TRAPPC9: variants seen among roughly 807,000 people sequenced by gnomAD.
TRAPPC9 encodes trafficking protein particle complex subunit 9.
TRAPPC9 carries 83 observed loss-of-function variants against 124.0 expected under a neutral mutation model. The observed-to-expected ratio is 0.67, with a 90% CI of 0.56 to 0.80. The LOEUF is 0.80. Among genes scored for constraint, TRAPPC9 ranks in the 30% least tolerant of loss-of-function variants. The probability of loss-of-function intolerance (pLI) is 0.00; values close to 1 mark genes in which losing one functional copy is unlikely to be tolerated. For synonymous variants in TRAPPC9, 638 were observed against 617.5 expected (o/e 1.03, Z -0.49); for missense variants, 1,302 against 1,508.3 (o/e 0.86, Z 2.27).
intron 21 of TRAPPC9, among the ~76,000 whole-genome samples, chr8:139,756,294 G>T (rs1448272236): frequency 1.4e-5 from 2 of 141,942 alleles, no homozygotes; most frequent in East Asian, 2.2e-4. Context: ...GAGGACAGCA[G>T]GTGGCAGGAG....
At chr8:140,453,643 C>T (rs1564035194) in intron 1 of TRAPPC9, among the ~76,000 whole-genome samples, 1 of 152,272 alleles carries the variant, frequency 6.6e-6, no homozygotes, top group East Asian at 1.9e-4. Context: ...AGGATCTAAA[C>T]GGTTCACAAG....
At chr8:139,855,762 C>A (rs1185017548) in intron 21 of TRAPPC9, among the ~76,000 whole-genome samples, 5 of 152,210 alleles carry the variant, frequency 3.3e-5, no homozygotes. Context: ...CCCGCTCGAC[C>A]CCAGCACCTC....
intron 16 of TRAPPC9, among the ~76,000 whole-genome samples, chr8:140,226,591 C>CA (rs35750675): frequency 0.21 from 21,820 of 102,972 alleles, 2,279 homozygotes; most frequent in East Asian, 0.63. Context: ...GACTCGGTCT[C>CA]AAAAAAAAAA....
At chr8:139,839,155 C>T (rs996138977) in intron 21 of TRAPPC9, among the ~76,000 whole-genome samples, 3 of 152,236 alleles carry the variant, frequency 2.0e-5, no homozygotes, top group Admixed American at 1.3e-4. Flanking sequence ...CTGTGCTTGT[C>T]CGGGACGTGG....
chr8:140,311,177 A>G, intron 10 of TRAPPC9, 71 bp downstream of exon 10: 2 of 1,582,686 alleles, frequency 1.3e-6, no homozygotes, highest in Non-Finnish European at 1.7e-6. Context: ...AAAGATCTCT[A>G]TTCACAATCA....
chr8:139,847,727 C>G (rs1415090397), intron 21 of TRAPPC9, among the ~76,000 whole-genome samples: 1 of 151,816 alleles, frequency 6.6e-6, no homozygotes, highest in African/African-American at 2.4e-5. Context: ...CACCTGCCCC[C>G]CTGGTGGCCC....
chr8:140,275,337 G>T (rs114421352), intron 15 of TRAPPC9, among the ~76,000 whole-genome samples: 1,845 of 152,302 alleles, frequency 0.012, 27 homozygotes, highest in African/African-American at 0.042. Context: ...ATTCATTGAA[G>T]AAATAGTTCT....
At chr8:139,739,413 A>G (rs1440308570) in intron 21 of TRAPPC9, among the ~76,000 whole-genome samples, 2 of 152,160 alleles carry the variant, frequency 1.3e-5, no homozygotes, top group Non-Finnish European at 1.5e-5. Flanking sequence ...GCTTCTGTTT[A>G]TGCTCAGAAT....
At chr8:140,058,042 A>G (rs4629846) in intron 17 of TRAPPC9, among the ~76,000 whole-genome samples, 109,411 of 152,128 alleles carry the variant, frequency 0.72, 40,234 homozygotes, top group African/African-American at 0.89. Context: ...CATTGCATAC[A>G]GAAGTGCTCG....
At chr8:140,335,603 G>A (rs772190067) in intron 9 of TRAPPC9, among the ~76,000 whole-genome samples, 1 of 151,994 alleles carries the variant, frequency 6.6e-6, no homozygotes, top group Non-Finnish European at 1.5e-5. Flanking sequence ...AAGTTCAGAG[G>A]TCAGGAGTGG....
chr8:140,020,609 G>A (rs766111086), intron 18 of TRAPPC9, among the ~76,000 whole-genome samples: 3 of 151,948 alleles, frequency 2.0e-5, no homozygotes, highest in Non-Finnish European at 4.4e-5. Flanking sequence ...CTGGACAATG[G>A]AGTGAGATTC....
intron 22 of TRAPPC9, among the ~76,000 whole-genome samples, chr8:139,731,628 G>A (rs906916886): frequency 2.6e-5 from 4 of 152,142 alleles, no homozygotes; most frequent in Non-Finnish European, 4.4e-5. Context: ...GAGCCTTTCC[G>A]TGGAAGGAGC....
chr8:140,020,915 C>T (rs1839798789), intron 18 of TRAPPC9, among the ~76,000 whole-genome samples: 1 of 152,166 alleles, frequency 6.6e-6, no homozygotes, highest in Admixed American at 6.5e-5. Flanking sequence ...GAAAGTCTAA[C>T]CGTTTGATAT....
intron 17 of TRAPPC9, among the ~76,000 whole-genome samples, chr8:140,044,466 C>T (rs1345910503): frequency 6.6e-6 from 1 of 152,142 alleles, no homozygotes; most frequent in African/African-American, 2.4e-5. Context: ...TGGTTCCATA[C>T]GTGCCCAACT....
At chr8:140,288,557 G>C (rs1223690998) in intron 12 of TRAPPC9, among the ~76,000 whole-genome samples, 1 of 152,076 alleles carries the variant, frequency 6.6e-6, no homozygotes, top group African/African-American at 2.4e-5. Flanking sequence ...TTGTAACAGA[G>C]GTCCTACTCA....
At chr8:140,129,733 AAC>A (rs1281767846) in intron 17 of TRAPPC9, among the ~76,000 whole-genome samples, 1 of 152,198 alleles carries the variant, frequency 6.6e-6, no homozygotes, top group Non-Finnish European at 1.5e-5. Flanking sequence ...GGGAGTTACA[AAC>A]ACAGAGAGAG....
intron 17 of TRAPPC9, among the ~76,000 whole-genome samples, chr8:140,075,028 A>T (rs149299920): frequency 2.0e-5 from 3 of 152,186 alleles, no homozygotes; most frequent in Non-Finnish European, 4.4e-5. Context: ...GTTAGAAGAG[A>T]TCTGAAGCCT....
chr8:140,212,075 T>C (rs1394687003), intron 17 of TRAPPC9, among the ~76,000 whole-genome samples: 1 of 152,058 alleles, frequency 6.6e-6, no homozygotes, highest in Non-Finnish European at 1.5e-5. Context: ...TGAAAGGAAG[T>C]GAGCAAGAAG....
At chr8:139,823,067 C>T (rs532952126) in intron 21 of TRAPPC9, among the ~76,000 whole-genome samples, 17 of 152,306 alleles carry the variant, frequency 1.1e-4, no homozygotes, top group African/African-American at 3.8e-4. Context: ...AGGCCCCATC[C>T]TCATCCCCCA....
Sources: allele counts gnomAD v4.1 joint callset (sites outside exome capture counted in the v4.1 genomes callset), GRCh38; gene constraint gnomAD v4.1.1; transcripts MANE v1.5; gene names NCBI Gene and HGNC (gene_info 2026-07-23, HGNC 2026-07-21).